PTPRD: variants seen among roughly 807,000 people sequenced by gnomAD.
PTPRD encodes protein tyrosine phosphatase receptor type D, also known as receptor-type tyrosine-protein phosphatase delta.
Under a neutral mutation model 214.5 loss-of-function variants are expected in PTPRD, and 34 were observed. The ratio of observed to expected loss-of-function variants is 0.16; its 90% CI spans 0.12 to 0.21. The LOEUF (loss-of-function observed/expected upper bound fraction) is 0.21, where lower values mean the gene tolerates loss of function less well. Among genes scored for constraint, PTPRD ranks in the 10% least tolerant of loss-of-function variants. The pLI, the probability that PTPRD is intolerant of heterozygous loss-of-function variation, is 1.00. For synonymous variants in PTPRD, 1,128 were observed against 845.7 expected, an observed-to-expected ratio of 1.33 and a Z score of -5.79; for missense variants, 2,545 against 2,398.7, an observed-to-expected ratio of 1.06 and a Z score of -1.27.
chr9:9,510,704 C>A (rs560663751), intron 8 of PTPRD, among the ~76,000 whole-genome samples: 1 of 151,196 alleles, frequency 6.6e-6, no homozygotes, highest in Non-Finnish European at 1.5e-5. Flanking sequence ...GCTCTGCCCA[C>A]CTATTTGGGC....
At chr9:9,327,404 T>C (rs1319432197) in intron 9 of PTPRD, among the ~76,000 whole-genome samples, 1 of 152,104 alleles carries the variant, frequency 6.6e-6, no homozygotes, top group Non-Finnish European at 1.5e-5. Context: ...GTTCCAGTAA[T>C]TTTTTTCCAT....
chr9:9,310,609 C>T (rs1958644875), intron 9 of PTPRD, among the ~76,000 whole-genome samples: 1 of 152,090 alleles, frequency 6.6e-6, no homozygotes, highest in Non-Finnish European at 1.5e-5. Flanking sequence ...ATATGTAAAG[C>T]ATTTTCACAG....
At chr9:9,911,067 T>C (rs1474796402) in intron 5 of PTPRD, among the ~76,000 whole-genome samples, 1 of 152,060 alleles carries the variant, frequency 6.6e-6, no homozygotes, top group African/African-American at 2.4e-5. Context: ...ATTTCCAGTC[T>C]GCTTGGCTTG....
At chr9:10,427,940 T>C (rs1205803436) in intron 2 of PTPRD, among the ~76,000 whole-genome samples, 2 of 152,096 alleles carry the variant, frequency 1.3e-5, no homozygotes, top group Admixed American at 6.6e-5. Flanking sequence ...ACCATAAAAC[T>C]GTTTTCCACA....
At chr9:10,423,309 G>C (rs1270101538) in intron 2 of PTPRD, among the ~76,000 whole-genome samples, 1 of 151,996 alleles carries the variant, frequency 6.6e-6, no homozygotes, top group East Asian at 1.9e-4. Context: ...CTGTCATGGG[G>C]TGGAGGGCAG....
intron 5 of PTPRD, among the ~76,000 whole-genome samples, chr9:9,839,294 T>C (rs1274989950): frequency 3.9e-5 from 6 of 152,110 alleles, no homozygotes; most frequent in African/African-American, 1.4e-4. Flanking sequence ...ATTGTATATC[T>C]AGAAAACCCC....
chr9:9,651,705 T>C (rs1339001660), intron 7 of PTPRD, among the ~76,000 whole-genome samples: 1 of 152,124 alleles, frequency 6.6e-6, no homozygotes, highest in African/African-American at 2.4e-5. Context: ...AATGAACATA[T>C]GTGTACTTGT....
intron 3 of PTPRD, among the ~76,000 whole-genome samples, chr9:10,250,441 T>C (rs541850789): frequency 1.3e-5 from 2 of 152,226 alleles, no homozygotes; most frequent in South Asian, 4.1e-4. Flanking sequence ...GCCTAGAAAG[T>C]CTTTATAAAG....
chr9:9,472,884 GAT>G (rs1408477909), intron 8 of PTPRD, among the ~76,000 whole-genome samples: 1 of 152,072 alleles, frequency 6.6e-6, no homozygotes, highest in Non-Finnish European at 1.5e-5. Flanking sequence ...GGGATGCAGT[GAT>G]ATATTATTAC....
intron 8 of PTPRD, among the ~76,000 whole-genome samples, chr9:9,403,290 C>CAA (rs56105335): frequency 0.074 from 4,467 of 60,592 alleles, 447 homozygotes; most frequent in Middle Eastern, 0.11. Context: ...TACTCTGTCT[C>CAA]AAAAAAAAAA....
intron 14 of PTPRD, among the ~76,000 whole-genome samples, chr9:8,539,091 C>G (rs770975944): frequency 1.4e-4 from 22 of 151,882 alleles, no homozygotes; most frequent in Non-Finnish European, 2.4e-4. Flanking sequence ...TATTGGACAA[C>G]TTGAACACGA....
intron 9 of PTPRD, among the ~76,000 whole-genome samples, chr9:9,287,688 G>C (rs1313434388): frequency 3.3e-5 from 5 of 151,880 alleles, no homozygotes; most frequent in Non-Finnish European, 7.4e-5. Flanking sequence ...TATTTAAAAA[G>C]ATTATTATTT....
At chr9:10,350,654 C>T (rs146604028) in intron 2 of PTPRD, among the ~76,000 whole-genome samples, 13 of 152,092 alleles carry the variant, frequency 8.5e-5, no homozygotes, top group Admixed American at 5.2e-4. Context: ...TCAAATGGGC[C>T]ATCTGCCAAA....
Position 10,181,942 on chromosome 9 carries a change from T to TAAA in PTPRD, c.-544-148155_-544-148153dup, listed in dbSNP as rs3075573. Among the ~76,000 whole-genome samples, 27 of 38,512 alleles carry TAAA rather than the reference T, an allele frequency of 7.0e-4. 2 individuals carry two copies. The highest frequency in any genetic ancestry group is 1.2e-3 in the Non-Finnish European group (22 of 17,974). 25.3% of individuals were successfully genotyped at this position (38,512 alleles called of 152,430 possible). A position where few individuals can be genotyped will look rare whatever the true frequency, so the allele number is the denominator to read the frequency against. ...AAATATGACTATGTATCATAAATAC[T>TAAA]AAAAAAAAAAAAAAAAAAAAAAAAA... On this transcript the variant is annotated intron_variant, in intron 3 of 45. Transcript: ENST00000381196.
Position 9,140,906 on chromosome 9 carries a change from A to G in PTPRD, c.-143+42398T>C, listed in dbSNP as rs1343251735. 2.6e-5 allele frequency among the ~76,000 whole-genome samples: 4 copies of G among 151,850 alleles called. No homozygotes were observed. The East Asian group carries it at 7.8e-4, about 29-fold the overall frequency. ...CAGTGCTACATCTTTAACAACTCCCATTTCTTTTTCTTCCTGGGAATGAAG... is the reference window on the plus strand; with the variant it reads ...CAGTGCTACATCTTTAACAACTCCCGTTTCTTTTTCTTCCTGGGAATGAAG... On this transcript the variant is annotated intron_variant, in intron 10 of 45. Coordinates refer to ENST00000381196, the MANE Select transcript of PTPRD (RefSeq NM_002839.4).
intron 10 of PTPRD, among the ~76,000 whole-genome samples, chr9:9,075,075 T>A (rs1053680127): frequency 1.1e-4 from 16 of 152,084 alleles, no homozygotes; most frequent in African/African-American, 3.4e-4. Context: ...AAGATAATGG[T>A]CAAATGCTTA....
chr9:9,474,785 A>G (rs557605598), intron 8 of PTPRD, among the ~76,000 whole-genome samples: 8 of 152,140 alleles, frequency 5.3e-5, no homozygotes, highest in African/African-American at 1.9e-4. Flanking sequence ...TTAATTTTGT[A>G]TCTTGCAACT....
At chr9:8,320,546 T>TTTATGA (rs150207664) in intron 44 of PTPRD, among the ~76,000 whole-genome samples, 6,892 of 152,104 alleles carry the variant, frequency 0.045, 202 homozygotes, top group South Asian at 0.16. Context: ...TTCAGGAGGG[T>TTTATGA]TTATGACTAT....
In PTPRD at chr9:8,333,007, GAGAGGATCTCAGT is replaced by G. The variant is rs376588638; in HGVS notation, c.5380-1284_5380-1272del. 4.4e-3 allele frequency among the ~76,000 whole-genome samples: 673 copies of G among 152,288 alleles called. 6 individuals are homozygous for G. Among genetic ancestry groups the G allele is most frequent in the African/African-American group, 0.016 (649 of 41,562 alleles). On this transcript the variant is annotated intron_variant, in intron 43 of 45. Transcript: ENST00000381196. ...TTATCATTCACTCATATTGAGAAGA[GAGAGGATCTCAGT>G]GTGAGATGAGCACTCATCACCTCGC...
Sources: allele counts gnomAD v4.1 joint callset (sites outside exome capture counted in the v4.1 genomes callset), GRCh38; gene constraint gnomAD v4.1.1; transcripts MANE v1.5; gene names NCBI Gene and HGNC (gene_info 2026-07-23, HGNC 2026-07-21).